GRM5: variants seen among roughly 807,000 people sequenced by gnomAD.
GRM5 encodes glutamate metabotropic receptor 5.
A neutral mutation model predicts 83.1 loss-of-function variants in GRM5; 19 were observed. The observed-to-expected ratio is 0.23, with a 90% CI of 0.16 to 0.34. GRM5 has a LOEUF of 0.34. Ranked by LOEUF, GRM5 falls within the 10% of genes least tolerant of loss-of-function variation. GRM5 has a pLI of 1.00. For synonymous variants in GRM5, 675 were observed against 633.6 expected (o/e 1.07, Z -0.98); for missense variants, 1,160 against 1,588.3 (o/e 0.73, Z 4.58).
At chr11:88,934,108 A>G (rs1178687606) in intron 2 of GRM5, among the ~76,000 whole-genome samples, 3 of 151,832 alleles carry the variant, frequency 2.0e-5, no homozygotes, top group Non-Finnish European at 4.4e-5. Context: ...ACACTGCCAC[A>G]CAACTCACTT....
At chr11:89,020,476 G>A (rs1400187715) in intron 2 of GRM5, among the ~76,000 whole-genome samples, 2 of 152,214 alleles carry the variant, frequency 1.3e-5, no homozygotes, top group African/African-American at 2.4e-5. Context: ...TGTTGGAATT[G>A]CTAAAGATCA....
chr11:88,892,179 A>G (rs1475796665), intron 2 of GRM5, among the ~76,000 whole-genome samples: 1 of 148,958 alleles, frequency 6.7e-6, no homozygotes, highest in East Asian at 2.0e-4. Context: ...TTTTTTCAAT[A>G]AGACACAATT....
intron 4 of GRM5, among the ~76,000 whole-genome samples, chr11:88,618,551 G>C (rs1391805773): frequency 6.6e-6 from 1 of 151,278 alleles, no homozygotes; most frequent in African/African-American, 2.4e-5. Flanking sequence ...CTGCATGTCA[G>C]ACACTGTGCT....
chr11:88,539,655 T>C (rs1942217700), intron 8 of GRM5, among the ~76,000 whole-genome samples: 1 of 152,176 alleles, frequency 6.6e-6, no homozygotes, highest in African/African-American at 2.4e-5. Context: ...ACATAACCAA[T>C]ATAATCTCTA....
intron 2 of GRM5, among the ~76,000 whole-genome samples, chr11:88,958,824 C>T (rs984715496): frequency 1.8e-4 from 27 of 151,886 alleles, no homozygotes; most frequent in Non-Finnish European, 1.8e-4. Flanking sequence ...TACATGTTAA[C>T]GCAAATATTT....
chr11:88,871,910 A>G (rs527283365), intron 2 of GRM5, among the ~76,000 whole-genome samples: 1 of 150,896 alleles, frequency 6.6e-6, no homozygotes, highest in African/African-American at 2.4e-5. Flanking sequence ...TAAACAGATG[A>G]AAAAAAAAGT....
intron 3 of GRM5, among the ~76,000 whole-genome samples, chr11:88,705,366 C>A (rs1171373029): frequency 1.3e-5 from 2 of 152,072 alleles, no homozygotes; most frequent in Non-Finnish European, 2.9e-5. Flanking sequence ...TGCAGAACCA[C>A]TGGACTTGAC....
At chr11:88,642,905 C>T (rs964782688) in intron 4 of GRM5, among the ~76,000 whole-genome samples, 2 of 152,098 alleles carry the variant, frequency 1.3e-5, no homozygotes, top group Non-Finnish European at 2.9e-5. Flanking sequence ...TCTAAACTTT[C>T]CCTTATCTTC....
At chr11:88,608,122 C>T (rs2131070) in intron 4 of GRM5, among the ~76,000 whole-genome samples, 79,671 of 152,090 alleles carry the variant, frequency 0.52, 24,625 homozygotes, top group South Asian at 0.77. Flanking sequence ...ATTTCTGAGC[C>T]TTGGGGGAGC....
chr11:88,799,790 C>T (rs1253010532), intron 3 of GRM5, among the ~76,000 whole-genome samples: 1 of 152,020 alleles, frequency 6.6e-6, no homozygotes, highest in African/African-American at 2.4e-5. Flanking sequence ...TTTTCTTATC[C>T]TTCACCTACA....
Position 89,026,147 on chromosome 11 carries a change from C to T in GRM5, c.661+21065G>A, listed in dbSNP as rs7107094. On this transcript the variant is annotated intron_variant, in intron 2 of 9. Coordinates refer to ENST00000305447, the MANE Select transcript of GRM5 (RefSeq NM_001143831.3). ...GGACACAAAGAAGGGAACAATAGAC[C>T]CTGGGGACTACTTGAGGGTGGAGGG... Among the ~76,000 whole-genome samples, 1,505 of 151,952 alleles carry T rather than the reference C, an allele frequency of 9.9e-3. 21 individuals are homozygous for T. The highest frequency in any genetic ancestry group is 0.035 in the African/African-American group (1,430 of 41,440).
intron 7 of GRM5, among the ~76,000 whole-genome samples, chr11:88,586,931 G>C (rs1247266634): frequency 6.6e-6 from 1 of 152,034 alleles, no homozygotes; most frequent in Non-Finnish European, 1.5e-5. Flanking sequence ...CTCGTTAAAG[G>C]CTTTACTCAC....
intron 2 of GRM5, among the ~76,000 whole-genome samples, chr11:88,985,914 T>C (rs1939690919): frequency 6.6e-6 from 1 of 152,164 alleles, no homozygotes; most frequent in Non-Finnish European, 1.5e-5. Context: ...CTGATAGTAG[T>C]ATAAAATAGT....
Position 88,597,371 on chromosome 11 carries a change from A to G in GRM5, c.1395-19T>C. The G allele has an allele frequency of 4.7e-6, 6 of 1,282,760 alleles. No individual in the cohort carries two copies. The highest frequency in any genetic ancestry group is 1.3e-5 in the South Asian group (1 of 74,866). The allele number at this position is 1,282,760 out of a possible 1,614,324, so 79.5% of individuals were successfully genotyped here. ...TTCATACCTTAGGAATAAGAATATG[A>G]TAATTATGCAGCTTAAGATGTAAAT... On this transcript the variant is annotated intron_variant, in intron 5 of 9. Coordinates refer to ENST00000305447, the MANE Select transcript of GRM5 (RefSeq NM_001143831.3).
At chr11:88,571,697 C>T (rs1183196195) in intron 7 of GRM5, among the ~76,000 whole-genome samples, 1 of 152,098 alleles carries the variant, frequency 6.6e-6, no homozygotes, top group Non-Finnish European at 1.5e-5. Context: ...ATTATCAAGC[C>T]AAATTCTTAC....
chr11:88,571,353 C>T (rs11020472), intron 7 of GRM5, among the ~76,000 whole-genome samples: 76,797 of 151,994 alleles, frequency 0.51, 22,840 homozygotes, highest in African/African-American at 0.84. Context: ...TAAATGAATG[C>T]TTCTTTTATT....
intron 2 of GRM5, among the ~76,000 whole-genome samples, chr11:88,944,225 G>A (rs1938203502): frequency 1.3e-5 from 2 of 151,940 alleles, no homozygotes; most frequent in South Asian, 4.1e-4. Flanking sequence ...AGAGAAGCCA[G>A]ATTATAAGGA....
intron 2 of GRM5, among the ~76,000 whole-genome samples, chr11:89,001,643 C>T (rs1204642470): frequency 7.2e-5 from 11 of 152,088 alleles, no homozygotes; most frequent in Admixed American, 7.2e-4. Flanking sequence ...AGTGTCACTA[C>T]ACTGGCTATA....
At chr11:88,771,481 G>A (rs1942735929) in intron 3 of GRM5, among the ~76,000 whole-genome samples, 1 of 152,058 alleles carries the variant, frequency 6.6e-6, no homozygotes, top group Non-Finnish European at 1.5e-5. Flanking sequence ...GATGTTCAAG[G>A]GCAAGAGGAA....
Sources: allele counts gnomAD v4.1 joint callset (sites outside exome capture counted in the v4.1 genomes callset), GRCh38; gene constraint gnomAD v4.1.1; transcripts MANE v1.5; gene names NCBI Gene and HGNC (gene_info 2026-07-23, HGNC 2026-07-21).